GRID2: variants seen among roughly 807,000 people sequenced by gnomAD.
GRID2 encodes glutamate receptor ionotropic, delta-2.
A neutral mutation model predicts 114.8 loss-of-function variants in GRID2; 33 were observed. The ratio of observed to expected loss-of-function variants is 0.29; its 90% CI spans 0.22 to 0.38. GRID2 has a LOEUF of 0.38. Among genes scored for constraint, GRID2 ranks in the 10% least tolerant of loss-of-function variants. The probability of loss-of-function intolerance (pLI) is 1.00; values close to 1 mark genes in which losing one functional copy is unlikely to be tolerated. For synonymous variants in GRID2, 505 were observed against 449.9 expected (o/e 1.12, Z -1.55); for missense variants, 1,184 against 1,257.7 (o/e 0.94, Z 0.89).
chr4:92,343,518 A>G (rs545462986), intron 1 of GRID2, among the ~76,000 whole-genome samples: 2 of 152,166 alleles, frequency 1.3e-5, no homozygotes, highest in South Asian at 4.1e-4. Context: ...AATAGCATAA[A>G]CAGTATATAT....
intron 14 of GRID2, among the ~76,000 whole-genome samples, chr4:93,765,641 A>G (rs1426500599): frequency 6.7e-6 from 1 of 148,956 alleles, no homozygotes; most frequent in African/African-American, 2.5e-5. Context: ...TATGAGGCAT[A>G]TATATATATT....
intron 7 of GRID2, 107 bp from the exon 8 acceptor site, chr4:93,238,264 A>G (rs755425740): frequency 2.7e-6 from 2 of 734,176 alleles, no homozygotes; most frequent in Non-Finnish European, 4.2e-6. Context: ...GCTTACTTTA[A>G]ATATTATTTT....
intron 1 of GRID2, among the ~76,000 whole-genome samples, chr4:92,557,645 T>TTTTATATATATA (rs1553949920): frequency 1.8e-4 from 26 of 142,690 alleles, no homozygotes; most frequent in South Asian, 8.9e-4. Flanking sequence ...ATATATATGG[T>TTTTATATATATA]TATATATATA....
At chr4:93,441,295 A>G (rs1306247362) in intron 10 of GRID2, among the ~76,000 whole-genome samples, 1 of 152,046 alleles carries the variant, frequency 6.6e-6, no homozygotes, top group African/African-American at 2.4e-5. Flanking sequence ...GAAATTCTCT[A>G]TGTTCTATGG....
At chr4:92,610,945 A>G (rs1349238787) in intron 2 of GRID2, among the ~76,000 whole-genome samples, 1 of 151,686 alleles carries the variant, frequency 6.6e-6, no homozygotes, top group Non-Finnish European at 1.5e-5. Flanking sequence ...TTGTTTTTCC[A>G]GTCAATAATT....
At chr4:92,453,771 GA>G (rs1211291569) in intron 1 of GRID2, among the ~76,000 whole-genome samples, 4 of 152,022 alleles carry the variant, frequency 2.6e-5, no homozygotes, top group Admixed American at 2.6e-4. Context: ...CTCAAATATT[GA>G]TTGATTTTTT....
At chr4:92,664,253 G>A (rs556493713) in intron 2 of GRID2, among the ~76,000 whole-genome samples, 1 of 151,042 alleles carries the variant, frequency 6.6e-6, no homozygotes, top group Non-Finnish European at 1.5e-5. Flanking sequence ...CTGTTTTGCT[G>A]CATCCCATAG....
chr4:93,190,305 C>T (rs1740861715), intron 4 of GRID2, among the ~76,000 whole-genome samples: 1 of 152,016 alleles, frequency 6.6e-6, no homozygotes, highest in Non-Finnish European at 1.5e-5. Context: ...ATCTCAAAAG[C>T]CACTATTGAT....
intron 1 of GRID2, among the ~76,000 whole-genome samples, chr4:92,447,063 T>C (rs1733508483): frequency 6.6e-6 from 1 of 152,222 alleles, no homozygotes; most frequent in Non-Finnish European, 1.5e-5. Context: ...TTATCCTCTT[T>C]AAAAGTACTT....
chr4:92,553,248 C>T (rs1726684486), intron 1 of GRID2, among the ~76,000 whole-genome samples: 1 of 152,148 alleles, frequency 6.6e-6, no homozygotes, highest in Non-Finnish European at 1.5e-5. Flanking sequence ...TAAAACACAA[C>T]ACATCATATA....
At chr4:93,330,665 T>A (rs1331585844) in intron 8 of GRID2, among the ~76,000 whole-genome samples, 3 of 152,134 alleles carry the variant, frequency 2.0e-5, no homozygotes, top group African/African-American at 7.2e-5. Context: ...CTACTGTGAA[T>A]GGGATGCACT....
intron 2 of GRID2, among the ~76,000 whole-genome samples, chr4:92,962,466 A>G (rs1236016418): frequency 6.6e-6 from 1 of 151,412 alleles, no homozygotes; most frequent in African/African-American, 2.4e-5. Context: ...GACGTTGAGT[A>G]TTTTCCTTCT....
intron 2 of GRID2, among the ~76,000 whole-genome samples, chr4:92,934,637 A>G (rs1312265413): frequency 6.8e-6 from 1 of 146,574 alleles, no homozygotes; most frequent in East Asian, 2.2e-4. Flanking sequence ...ACTTCAAACT[A>G]TACTACAAGG....
At chr4:92,717,545 T>C (rs1735610090) in intron 2 of GRID2, among the ~76,000 whole-genome samples, 1 of 152,226 alleles carries the variant, frequency 6.6e-6, no homozygotes, top group South Asian at 2.1e-4. Context: ...TTGTTTAACT[T>C]TGTTCAGTTA....
intron 1 of GRID2, among the ~76,000 whole-genome samples, chr4:93,803,736 A>T (rs1734980310): frequency 6.6e-6 from 1 of 152,142 alleles, no homozygotes; most frequent in African/African-American, 2.4e-5. Context: ...AAAAAAACAA[A>T]AAACACCTTT....
At chr4:92,511,555 A>C (rs80031429) in intron 1 of GRID2, among the ~76,000 whole-genome samples, 30 of 151,926 alleles carry the variant, frequency 2.0e-4, no homozygotes, top group African/African-American at 7.0e-4. Flanking sequence ...CCTGGAATAT[A>C]TAGTCACCAA....
intron 2 of GRID2, among the ~76,000 whole-genome samples, chr4:92,654,059 T>C (rs1732108443): frequency 6.6e-6 from 1 of 152,150 alleles, no homozygotes; most frequent in African/African-American, 2.4e-5. Context: ...TGCTGGACCA[T>C]TACTCCAAAG....
intron 2 of GRID2, among the ~76,000 whole-genome samples, chr4:92,789,470 A>G (rs1050617945): frequency 7.2e-5 from 11 of 151,814 alleles, no homozygotes; most frequent in Admixed American, 5.3e-4. Flanking sequence ...CATGTCTTTT[A>G]TCCTCTCTCA....
intron 8 of GRID2, among the ~76,000 whole-genome samples, chr4:93,355,179 G>A (rs1761213146): frequency 6.6e-6 from 1 of 151,738 alleles, no homozygotes; most frequent in Admixed American, 6.6e-5. Context: ...ACTTACTACT[G>A]TGGAACAAAC....
Sources: gnomAD v4.1 joint callset for allele counts (sites outside exome capture counted in the v4.1 genomes callset) on GRCh38, gnomAD v4.1.1 for gene constraint, MANE v1.5 for transcripts, NCBI Gene and HGNC (gene_info 2026-07-23, HGNC 2026-07-21) for gene names.